The following SLC41A2 variants were observed in gnomAD, a reference collection of about 807,000 sequenced individuals.
SLC41A2 encodes solute carrier family 41 member 2.
A neutral mutation model predicts 58.3 loss-of-function variants in SLC41A2; 32 were observed. That is an observed-to-expected ratio of 0.55 (90% confidence interval 0.41 to 0.74). The LOEUF is 0.74. Ranked by LOEUF, SLC41A2 falls within the 30% of genes least tolerant of loss-of-function variation. The probability of loss-of-function intolerance (pLI) is 0.00; values close to 1 mark genes in which losing one functional copy is unlikely to be tolerated. For synonymous variants in SLC41A2, 190 were observed against 235.0 expected (o/e 0.81, Z 1.75); for missense variants, 514 against 680.6 (o/e 0.76, Z 2.72).
At chr12:104,831,676 T>C (rs774208833) in intron 10 of SLC41A2, among the ~76,000 whole-genome samples, 2 of 152,220 alleles carry the variant, frequency 1.3e-5, no homozygotes, top group African/African-American at 2.4e-5. Context: ...CCAACTGATA[T>C]GTTACCTCTT....
At chr12:104,930,205 C>T (rs1407315448) in intron 1 of SLC41A2, among the ~76,000 whole-genome samples, 1 of 14,250 alleles carries the variant, frequency 7.0e-5, no homozygotes, top group African/African-American at 9.0e-4. Flanking sequence ...TGTGGACTTG[C>T]AATGAGTAGA....
chr12:104,864,838 T>C (rs2043356443), intron 7 of SLC41A2, among the ~76,000 whole-genome samples: 1 of 152,166 alleles, frequency 6.6e-6, no homozygotes, highest in South Asian at 2.1e-4. Flanking sequence ...TATTATGCAA[T>C]AGTTTCTCTT....
chr12:104,905,091 C>T lies in SLC41A2; in HGVS notation c.663+4564G>A, dbSNP rs570798011. ...CTAGATACAAAGGTTCTCCACGTCC[C>T]CATCAGATTAGTTAGATACAGAGTT... On this transcript the variant is annotated intron_variant, in intron 3 of 10. Coordinates refer to ENST00000258538, the MANE Select transcript of SLC41A2 (RefSeq NM_001352171.3). Among the ~76,000 whole-genome samples the T allele has an allele frequency of 1.8e-3, 275 of 151,952 alleles. 1 individual carries two copies. Among genetic ancestry groups the T allele is most frequent in the African/African-American group, 6.2e-3 (256 of 41,412 alleles).
At chr12:104,814,497 C>CTGTT (rs2041308825) in intron 10 of SLC41A2, among the ~76,000 whole-genome samples, 1 of 152,106 alleles carries the variant, frequency 6.6e-6, no homozygotes, top group South Asian at 2.1e-4. Flanking sequence ...TGTCTTCTTT[C>CTGTT]TGTTTGATCC....
chr12:104,842,256 T>C (rs981479276), intron 10 of SLC41A2, among the ~76,000 whole-genome samples: 1 of 152,068 alleles, frequency 6.6e-6, no homozygotes, highest in Non-Finnish European at 1.5e-5. Context: ...TGTATGCTAG[T>C]GTCAGAACAT....
chr12:104,872,738 GA>G (rs1303378302), intron 6 of SLC41A2, among the ~76,000 whole-genome samples: 10 of 151,610 alleles, frequency 6.6e-5, no homozygotes, highest in Non-Finnish European at 1.3e-4. Context: ...GTCTCCAAAA[GA>G]AAAAAAAGAA....
chr12:104,881,281 G>A (rs938536108), intron 6 of SLC41A2, among the ~76,000 whole-genome samples: 1 of 152,068 alleles, frequency 6.6e-6, no homozygotes, highest in Non-Finnish European at 1.5e-5. Context: ...TGGATTCATT[G>A]ATTTTTTGAA....
chr12:104,934,496 C>T (rs7960937), intron 1 of SLC41A2, among the ~76,000 whole-genome samples: 1 of 148,070 alleles, frequency 6.8e-6, no homozygotes, highest in Non-Finnish European at 1.5e-5. Context: ...ACAAGACAGA[C>T]GTTTAGAGAA....
chr12:104,812,759 A>C (rs1408917460), intron 10 of SLC41A2, among the ~76,000 whole-genome samples: 1 of 152,194 alleles, frequency 6.6e-6, no homozygotes, highest in South Asian at 2.1e-4. Context: ...TGCTCTGGAT[A>C]CCAGGTCTCC....
intron 5 of SLC41A2, among the ~76,000 whole-genome samples, chr12:104,886,747 G>A (rs2044689078): frequency 1.3e-5 from 2 of 151,976 alleles, no homozygotes; most frequent in East Asian, 3.9e-4. Context: ...TAATGTATTT[G>A]TGTGTATTGA....
chr12:104,951,247 A>G (rs2047940889), intron 1 of SLC41A2, among the ~76,000 whole-genome samples: 1 of 152,206 alleles, frequency 6.6e-6, no homozygotes, highest in Non-Finnish European at 1.5e-5. Context: ...TCCTTAGGAT[A>G]AACTTATACA....
intron 2 of SLC41A2, among the ~76,000 whole-genome samples, chr12:104,915,908 G>C (rs571037522): frequency 2.6e-5 from 4 of 152,094 alleles, no homozygotes; most frequent in Non-Finnish European, 5.9e-5. Flanking sequence ...CTGTGGGTTT[G>C]TCATAGATAG....
chr12:104,899,890 TTGTTGTTGTTGTTGTGGC>T (rs2045477969), intron 3 of SLC41A2, among the ~76,000 whole-genome samples: 1 of 152,184 alleles, frequency 6.6e-6, no homozygotes, highest in African/African-American at 2.4e-5. Context: ...TTTGTTGTTT[TTGTTGTTGTTGTTGTGGC>T]TGTTGTTGTT....
intron 8 of SLC41A2, among the ~76,000 whole-genome samples, chr12:104,860,597 T>G (rs1232065373): frequency 6.6e-6 from 1 of 152,100 alleles, no homozygotes; most frequent in African/African-American, 2.4e-5. Context: ...TCTTTTATTT[T>G]TTTTTAAGAC....
chr12:104,855,311 G>A (rs1030955781), intron 8 of SLC41A2, among the ~76,000 whole-genome samples: 4 of 152,102 alleles, frequency 2.6e-5, no homozygotes, highest in Non-Finnish European at 5.9e-5. Flanking sequence ...TTAAGAAAAG[G>A]AATTCATTAT....
In SLC41A2 at chr12:104,955,537, T is replaced by C. The variant is rs80301540; in HGVS notation, c.-168+2551A>G. Among the ~76,000 whole-genome samples the C allele has an allele frequency of 5.6e-4, 85 of 152,300 alleles. No individual in the cohort carries two copies. In the East Asian group the frequency reaches 0.016, roughly 28 times the overall value. Reference sequence around the variant, plus strand: ...ACTGCTCCTTGGCTATAAATTCCCATTTGCCCACACCGTATTCAGAATTGA... The same window carrying C: ...ACTGCTCCTTGGCTATAAATTCCCACTTGCCCACACCGTATTCAGAATTGA... On this transcript the variant is annotated intron_variant, in intron 1 of 10. Transcript: ENST00000258538.
chr12:104,948,845 G>T (rs2047838460), intron 1 of SLC41A2, among the ~76,000 whole-genome samples: 1 of 152,214 alleles, frequency 6.6e-6, no homozygotes, highest in South Asian at 2.1e-4. Context: ...CTCAAGAATG[G>T]AAACAGCTCC....
intron 6 of SLC41A2, among the ~76,000 whole-genome samples, chr12:104,871,384 C>T (rs550480808): frequency 6.6e-6 from 1 of 152,232 alleles, no homozygotes; most frequent in South Asian, 2.1e-4. Flanking sequence ...AATGTTGAAT[C>T]TTGTTAATAG....
chr12:104,863,644 A>G (rs2135514454), intron 7 of SLC41A2, among the ~76,000 whole-genome samples: 1 of 152,140 alleles, frequency 6.6e-6, no homozygotes, highest in Non-Finnish European at 1.5e-5. Context: ...ACTTCCTACT[A>G]TGGCAGATGA....
Sources: gnomAD v4.1 joint callset for allele counts (sites outside exome capture counted in the v4.1 genomes callset) on GRCh38, gnomAD v4.1.1 for gene constraint, MANE v1.5 for transcripts, NCBI Gene and HGNC (gene_info 2026-07-23, HGNC 2026-07-21) for gene names.